Variants in CELF5 observed in about 807,000 individuals in gnomAD.
The protein encoded by CELF5 is CUGBP Elav-like family member 5.
In CELF5, 6 loss-of-function variants were observed where a neutral mutation model predicts 54.9. The observed-to-expected ratio is 0.11, with a 90% CI of 0.06 to 0.22. CELF5 has a LOEUF of 0.22. Among genes scored for constraint, CELF5 ranks in the 10% least tolerant of loss-of-function variants. CELF5 has a pLI of 1.00. For synonymous variants in CELF5, 271 were observed against 290.9 expected, an observed-to-expected ratio of 0.93 and a Z score of 0.70; for missense variants, 401 against 678.6, an observed-to-expected ratio of 0.59 and a Z score of 4.54.
At chr19:3,250,869 AT>A in intron 1 of CELF5, 115 bp from the exon 2 acceptor site, 7 of 456,566 alleles carry the variant, frequency 1.5e-5, no homozygotes, top group South Asian at 8.5e-5. Context: ...GTGTAGATCT[AT>A]GCATCTGTGG....
chr19:3,279,828 A>G (rs1568358228), intron 5 of CELF5, among the ~76,000 whole-genome samples: 1 of 152,074 alleles, frequency 6.6e-6, no homozygotes, highest in African/African-American at 2.4e-5. Flanking sequence ...TCAGACTCCC[A>G]AGTAGCTGGG....
chr19:3,280,899 G>T (rs2080138604), intron 5 of CELF5, among the ~76,000 whole-genome samples: 1 of 152,154 alleles, frequency 6.6e-6, no homozygotes, highest in Admixed American at 6.5e-5. Flanking sequence ...TTCTCCAGCG[G>T]CGGGATTCTC....
chr19:3,252,755 T>G (rs2079668996), intron 2 of CELF5, among the ~76,000 whole-genome samples: 1 of 152,020 alleles, frequency 6.6e-6, no homozygotes, highest in African/African-American at 2.4e-5. Flanking sequence ...GTGATGCAAG[T>G]TAGAGTGTGG....
At chr19:3,257,023 C>T (rs770007332) in intron 2 of CELF5, among the ~76,000 whole-genome samples, 67 of 152,012 alleles carry the variant, frequency 4.4e-4, no homozygotes, top group Non-Finnish European at 7.6e-4. Flanking sequence ...AGCCCAGGCC[C>T]GTCCCGAACT....
Position 3,293,229 on chromosome 19 carries a change from C to A in CELF5, c.1331-90C>A, listed in dbSNP as rs1161542531. 3.2e-6 allele frequency: 5 copies of A among 1,549,926 alleles called. No individual in the cohort carries two copies. In the East Asian group the frequency reaches 6.7e-5, roughly 21 times the overall value. Reference sequence around the variant, plus strand: ...GTGTGCACGCAGGCCTGCTCAGGACCCCGTGAGCCGGGAAGCCAGGGCCAC... The same window carrying A: ...GTGTGCACGCAGGCCTGCTCAGGACACCGTGAGCCGGGAAGCCAGGGCCAC... On this transcript the variant is annotated intron_variant, in intron 11 of 12. Transcript: ENST00000292672.
At chr19:3,252,728 C>T (rs771328390) in intron 2 of CELF5, among the ~76,000 whole-genome samples, 1 of 151,934 alleles carries the variant, frequency 6.6e-6, no homozygotes, top group Admixed American at 6.6e-5. Flanking sequence ...ATAGAGAGCC[C>T]CTCTTTTGGG....
At chr19:3,242,400 G>A (rs2079503410) in intron 1 of CELF5, among the ~76,000 whole-genome samples, 1 of 152,070 alleles carries the variant, frequency 6.6e-6, no homozygotes, top group Non-Finnish European at 1.5e-5. Context: ...GCTGGGTGCA[G>A]TGACTCATGC....
intron 1 of CELF5, among the ~76,000 whole-genome samples, chr19:3,236,953 C>A (rs938076551): frequency 5.4e-5 from 8 of 147,592 alleles, no homozygotes; most frequent in African/African-American, 2.0e-4. Context: ...CGCGCCACTG[C>A]ACTCCAGCCT....
intron 12 of CELF5, chr19:3,295,039 C>G (rs553305339): frequency 6.6e-6 from 1 of 152,342 alleles, no homozygotes; most frequent in Non-Finnish European, 1.5e-5. Flanking sequence ...TCCCTTCTCC[C>G]CCAGGTGAGG....
chr19:3,246,411 T>C (rs2079567921), intron 1 of CELF5, among the ~76,000 whole-genome samples: 1 of 151,266 alleles, frequency 6.6e-6, no homozygotes, highest in Non-Finnish European at 1.5e-5. Context: ...TGTATATATA[T>C]ATATGGACAA....
Position 3,275,869 on chromosome 19 carries a change from G to A in CELF5, c.408G>A (p.Leu136=). Residue 136 remains leucine, a synonymous_variant, in exon 4 of 13, where the codon CTG becomes CTA. Coordinates refer to ENST00000292672, the MANE Select transcript of CELF5 (RefSeq NM_021938.4). The surrounding 1 kb of genome is among the most constrained non-coding windows in gnomAD (Gnocchi z 6.7). ...CGCCGCCCACAGGGGACCGGAAGCT[G>A]TTCGTGGGGATGCTGAACAAGCAGC... ...SESRGGRDRK[L]FVGMLNKQQS... The A allele has an allele frequency of 6.2e-7, 1 of 1,611,452 alleles. No individual in the cohort carries two copies.
chr19:3,266,407 A>G (rs973256810), intron 2 of CELF5, among the ~76,000 whole-genome samples: 1 of 151,606 alleles, frequency 6.6e-6, no homozygotes, highest in Non-Finnish European at 1.5e-5. Flanking sequence ...TGGGTGACAG[A>G]GTGAGACCCA....
chr19:3,272,749 T>C (rs1445948255), intron 2 of CELF5, among the ~76,000 whole-genome samples: 4 of 151,706 alleles, frequency 2.6e-5, no homozygotes, highest in Non-Finnish European at 5.9e-5. Context: ...CCCAGAAGAG[T>C]GGGAAGAGTC....
intron 2 of CELF5, among the ~76,000 whole-genome samples, chr19:3,261,288 C>T (rs553623450): frequency 5.9e-4 from 89 of 151,794 alleles, no homozygotes; most frequent in Non-Finnish European, 1.3e-3. Context: ...CATGGTGGTG[C>T]ATGCCTGTAA....
chr19:3,293,340 C>T lies in CELF5; in HGVS notation c.1352C>T (p.Pro451Leu), dbSNP rs971014909. Residue 451 changes from proline to leucine, a missense_variant, in exon 12 of 13, where the codon CCG (proline) becomes CTG (leucine). By Grantham distance (98) the Pro-to-Leu change is moderately conservative. This residue lies in a region of CELF5 where 59 missense variants were observed against 128.8 expected (regional missense o/e 0.46). Transcript: ENST00000292672. Reference protein sequence around the residue: ...KCFGFVSFDNPASAQAAIQAM... With the variant: ...KCFGFVSFDNLASAQAAIQAM... ...GCAGGCTTCGTGAGCTTTGATAACC[C>T]GGCCAGCGCCCAGGCAGCCATCCAG... is the stretch of plus-strand genomic sequence containing the variant. 9.3e-6 allele frequency: 15 copies of T among 1,614,042 alleles called. No individual in the cohort carries two copies. Among genetic ancestry groups the T allele is most frequent in the African/African-American group, 2.7e-5 (2 of 74,942 alleles).
At chr19:3,285,163 C>G (rs1223639024) in intron 9 of CELF5, among the ~76,000 whole-genome samples, 199 bp downstream of exon 9, 2 of 151,954 alleles carry the variant, frequency 1.3e-5, no homozygotes, top group Non-Finnish European at 2.9e-5. Context: ...ACCCCACCAC[C>G]ACCTATACCC....
intron 1 of CELF5, among the ~76,000 whole-genome samples, chr19:3,237,076 G>GTCCACT (rs1917642284): frequency 6.6e-6 from 1 of 151,290 alleles, no homozygotes; most frequent in Non-Finnish European, 1.5e-5. Context: ...ACTTTGGGAG[G>GTCCACT]CCGAGACGGG....
chr19:3,243,110 A>G (rs1248553833), intron 1 of CELF5, among the ~76,000 whole-genome samples: 1 of 152,204 alleles, frequency 6.6e-6, no homozygotes, highest in South Asian at 2.1e-4. Context: ...AGGGGCTACT[A>G]TGAGTATTAA....
At chr19:3,226,197 T>G (rs772759788) in intron 1 of CELF5, among the ~76,000 whole-genome samples, 8 of 152,196 alleles carry the variant, frequency 5.3e-5, no homozygotes, top group Non-Finnish European at 1.2e-4. Context: ...CCATGACCTA[T>G]TTTACACCCA....
Sources: allele counts gnomAD v4.1 joint callset (sites outside exome capture counted in the v4.1 genomes callset), GRCh38; gene constraint gnomAD v4.1.1; regional missense constraint gnomAD v4.1.1; non-coding constraint Gnocchi (gnomAD v3.1); transcripts MANE v1.5; gene names NCBI Gene and HGNC (gene_info 2026-07-23, HGNC 2026-07-21).